MED27: variants seen among roughly 807,000 people sequenced by gnomAD.
MED27 encodes the protein mediator of RNA polymerase II transcription subunit 27.
MED27 carries 30 observed loss-of-function variants against 38.2 expected under a neutral mutation model. The ratio of observed to expected loss-of-function variants is 0.79; its 90% CI spans 0.59 to 1.07. The LOEUF (loss-of-function observed/expected upper bound fraction) is 1.07, where lower values mean the gene tolerates loss of function less well. Among genes scored for constraint, MED27 ranks in the 50% least tolerant of loss-of-function variants. MED27 has a pLI of 0.00. For missense variants in MED27, 289 were observed against 397.5 expected (o/e 0.73, Z 2.32); for synonymous variants, 122 against 153.5 (o/e 0.79, Z 1.52).
At chr9:131,946,740 T>G (rs1830893669) in intron 3 of MED27, among the ~76,000 whole-genome samples, 1 of 152,212 alleles carries the variant, frequency 6.6e-6, no homozygotes, top group Non-Finnish European at 1.5e-5. Flanking sequence ...CACTCTATCT[T>G]GGACACTGTG....
intron 5 of MED27, among the ~76,000 whole-genome samples, chr9:131,891,234 T>C (rs962368330): frequency 2.6e-5 from 4 of 151,460 alleles, no homozygotes; most frequent in African/African-American, 9.7e-5. Flanking sequence ...CGTGAAAGAG[T>C]CTGGCATGTC....
chr9:132,058,544 G>T (rs575900937), intron 2 of MED27, among the ~76,000 whole-genome samples: 1 of 152,214 alleles, frequency 6.6e-6, no homozygotes, highest in Non-Finnish European at 1.5e-5. Context: ...ATGTGAAGAA[G>T]GACATGTTTG....
intron 2 of MED27, among the ~76,000 whole-genome samples, chr9:132,032,735 C>T (rs1589277951): frequency 6.6e-6 from 1 of 152,162 alleles, no homozygotes; most frequent in Admixed American, 6.5e-5. Context: ...CCACTTCCTG[C>T]TTCCACTGGC....
At chr9:131,876,762 G>T (rs1745932356) in intron 6 of MED27, among the ~76,000 whole-genome samples, 1 of 152,160 alleles carries the variant, frequency 6.6e-6, no homozygotes, top group African/African-American at 2.4e-5. Context: ...CAGCCCACTA[G>T]CGGGCTCACG....
At chr9:132,036,316 G>A (rs1357974021) in intron 2 of MED27, among the ~76,000 whole-genome samples, 1 of 151,888 alleles carries the variant, frequency 6.6e-6, no homozygotes, top group East Asian at 1.9e-4. Flanking sequence ...CTATCCTCCC[G>A]CCTCAGCCTC....
At chr9:131,876,545 A>G (rs763393481) in intron 6 of MED27, among the ~76,000 whole-genome samples, 5 of 152,216 alleles carry the variant, frequency 3.3e-5, no homozygotes, top group Non-Finnish European at 4.4e-5. Flanking sequence ...AAACAAGACC[A>G]TTAAGAGAGA....
chr9:131,969,354 G>A (rs920142453), intron 3 of MED27, among the ~76,000 whole-genome samples: 4 of 151,952 alleles, frequency 2.6e-5, no homozygotes, highest in Admixed American at 2.6e-4. Context: ...GGGTGAGCCT[G>A]GATTTTTAGT....
intron 3 of MED27, among the ~76,000 whole-genome samples, chr9:131,999,000 G>A (rs1190912232): frequency 6.6e-6 from 1 of 152,090 alleles, no homozygotes; most frequent in African/African-American, 2.4e-5. Flanking sequence ...ATTCATGCTA[G>A]TTTAAGGAGC....
intron 2 of MED27, among the ~76,000 whole-genome samples, chr9:132,054,557 G>C (rs1833533941): frequency 6.6e-6 from 1 of 152,104 alleles, no homozygotes; most frequent in African/African-American, 2.4e-5. Flanking sequence ...GGGACTACAG[G>C]GGCACGACCA....
intron 6 of MED27, among the ~76,000 whole-genome samples, chr9:131,875,430 G>A (rs552298530): frequency 1.3e-5 from 2 of 152,156 alleles, no homozygotes; most frequent in Non-Finnish European, 2.9e-5. Context: ...TCTGACTCCA[G>A]CCTATACCCT....
intron 3 of MED27, among the ~76,000 whole-genome samples, chr9:131,984,829 T>C (rs1425870625): frequency 8.5e-5 from 13 of 152,228 alleles, no homozygotes; most frequent in Admixed American, 7.2e-4. Context: ...TGACCTGTTA[T>C]GGCCTCACTG....
At chr9:131,864,207 G>T (rs1375033391) in intron 6 of MED27, among the ~76,000 whole-genome samples, 1 of 152,214 alleles carries the variant, frequency 6.6e-6, no homozygotes, top group African/African-American at 2.4e-5. Context: ...CAGGCCAGGT[G>T]CGGTGCCTCA....
At chr9:132,035,642 A>G (rs530401879) in intron 2 of MED27, among the ~76,000 whole-genome samples, 7 of 152,326 alleles carry the variant, frequency 4.6e-5, no homozygotes, top group South Asian at 2.1e-4. Flanking sequence ...AGGGGAAAAA[A>G]TGCAAATGAT....
intron 4 of MED27, among the ~76,000 whole-genome samples, chr9:131,923,123 C>G (rs1051809706): frequency 6.6e-6 from 1 of 152,182 alleles, no homozygotes; most frequent in African/African-American, 2.4e-5. Flanking sequence ...TAGACCTTCT[C>G]AGCAGACAGA....
intron 4 of MED27, among the ~76,000 whole-genome samples, chr9:131,907,249 C>A (rs564037051): frequency 1.3e-5 from 2 of 152,128 alleles, no homozygotes; most frequent in African/African-American, 4.8e-5. Context: ...TCTCTTTCCA[C>A]GGTCTCCCTC....
chr9:131,925,938 C>T (rs185412334), intron 4 of MED27, among the ~76,000 whole-genome samples: 7 of 152,316 alleles, frequency 4.6e-5, no homozygotes, highest in African/African-American at 7.2e-5. Context: ...TCAAGGGTCA[C>T]GATGAATCCA....
chr9:131,978,828 G>A (rs1037308167), intron 3 of MED27, among the ~76,000 whole-genome samples: 1 of 152,212 alleles, frequency 6.6e-6, no homozygotes, highest in Non-Finnish European at 1.5e-5. Flanking sequence ...AGAAACCATC[G>A]CAAGAGGGCG....
At chr9:132,019,963 G>A (rs1832684653) in intron 2 of MED27, among the ~76,000 whole-genome samples, 1 of 152,178 alleles carries the variant, frequency 6.6e-6, no homozygotes, top group Non-Finnish European at 1.5e-5. Context: ...ACTGACTCCA[G>A]TCATGTGTTA....
chr9:131,918,531 T>G (rs1019649840), intron 4 of MED27, among the ~76,000 whole-genome samples: 1 of 152,282 alleles, frequency 6.6e-6, no homozygotes, highest in African/African-American at 2.4e-5. Flanking sequence ...ATCTCTAAAT[T>G]TGACTTAGTA....
Sources: allele counts gnomAD v4.1 joint callset (sites outside exome capture counted in the v4.1 genomes callset), GRCh38; gene constraint gnomAD v4.1.1; transcripts MANE v1.5; gene names NCBI Gene and HGNC (gene_info 2026-07-23, HGNC 2026-07-21).